Variants in PTGR2 observed in about 807,000 individuals in gnomAD.
PTGR2 encodes the protein 15-oxoprostaglandin 13-reductase.
Under a neutral mutation model 43.4 loss-of-function variants are expected in PTGR2, and 32 were observed. The observed-to-expected ratio is 0.74, with a 90% CI of 0.56 to 0.99. The LOEUF (loss-of-function observed/expected upper bound fraction) is 0.99, where lower values mean the gene tolerates loss of function less well. Ranked by LOEUF, PTGR2 falls within the 50% of genes least tolerant of loss-of-function variation. The pLI is 0.00. For synonymous variants in PTGR2, 106 were observed against 139.2 expected, an observed-to-expected ratio of 0.76 and a Z score of 1.68; for missense variants, 373 against 420.0, an observed-to-expected ratio of 0.89 and a Z score of 0.98.
rs58234739 is a variant in PTGR2 at position 73,883,188 on chromosome 14, C to CTTTTTTTTTTTTTTT, written c.979+768_979+782dup. Among the ~76,000 whole-genome samples the CTTTTTTTTTTTTTTT allele has an allele frequency of 2.9e-4, 17 of 58,152 alleles. 1 individual carries two copies. The highest frequency in any genetic ancestry group is 2.3e-3 in the South Asian group (2 of 872). The allele number at this position is 58,152 out of a possible 152,430, so 38.1% of individuals were successfully genotyped here. ...CCTGCCCTTCCCTCCCCTCACCTCCCTTTTTTTTTTTTTTTTTTTTTTTTT... is the reference window on the plus strand; with the variant it reads ...CCTGCCCTTCCCTCCCCTCACCTCCCTTTTTTTTTTTTTTTTTTTTTTTTTTTTTTTTTTTTTTTT... On this transcript the variant is annotated intron_variant, in intron 9 of 9. Coordinates refer to ENST00000555661, the MANE Select transcript of PTGR2 (RefSeq NM_001146154.2).
chr14:73,865,195 C>T (rs1361524872), intron 3 of PTGR2, among the ~76,000 whole-genome samples: 1 of 152,114 alleles, frequency 6.6e-6, no homozygotes, highest in Non-Finnish European at 1.5e-5. Context: ...TGGCTCAATC[C>T]AAGCTGGAAG....
intron 9 of PTGR2, among the ~76,000 whole-genome samples, chr14:73,883,582 T>C (rs1188442597): frequency 6.6e-6 from 1 of 151,650 alleles, no homozygotes; most frequent in East Asian, 1.9e-4. Flanking sequence ...ACCTCCCAGG[T>C]TCAGGTGATG....
intron 6 of PTGR2, chr14:73,879,610 C>A: frequency 3.0e-6 from 1 of 337,260 alleles, no homozygotes; most frequent in Non-Finnish European, 5.5e-6. Context: ...ATCCCTAACT[C>A]ACCACTGACC....
chr14:73,856,731 T>C (rs1261599326), intron 1 of PTGR2, among the ~76,000 whole-genome samples: 1 of 152,214 alleles, frequency 6.6e-6, no homozygotes, highest in African/African-American at 2.4e-5. Context: ...CTGTACCATG[T>C]AGGTTTGTGT....
intron 3 of PTGR2, among the ~76,000 whole-genome samples, chr14:73,864,880 C>G (rs539189289): frequency 6.6e-6 from 1 of 152,178 alleles, no homozygotes; most frequent in Non-Finnish European, 1.5e-5. Flanking sequence ...CTTTGCCTCA[C>G]TTAAGGTCAT....
At chr14:73,857,664 G>GTTT (rs1213963564) in intron 1 of PTGR2, among the ~76,000 whole-genome samples, 2,177 of 64,604 alleles carry the variant, frequency 0.034, 401 homozygotes, top group African/African-American at 0.11. Context: ...AGCAGTTAGT[G>GTTT]TTTTTTTTTT....
chr14:73,871,359 T>C (rs1238406304), intron 3 of PTGR2, among the ~76,000 whole-genome samples: 2 of 149,630 alleles, frequency 1.3e-5, no homozygotes, highest in African/African-American at 5.0e-5. Context: ...TTTTTTTTTT[T>C]TTTTTTTTAA....
chr14:73,885,338 G>A lies in PTGR2; in HGVS notation c.*1161G>A, dbSNP rs971724509. The A allele has an allele frequency of 1.3e-5, 2 of 152,146 alleles. No individual in the cohort carries two copies. The highest frequency in any genetic ancestry group is 4.8e-5 in the African/African-American group (2 of 41,434). 9.4% of individuals were successfully genotyped at this position (152,146 alleles called of 1,614,324 possible). On this transcript the variant is annotated 3_prime_UTR_variant, in exon 10 of 10. Coordinates refer to ENST00000555661, the MANE Select transcript of PTGR2 (RefSeq NM_001146154.2). ...CAAAGACAGTTTCAGAAAATGACAG[G>A]ACTGGGCAAATTAACAAATGTTTGT...
rs1213963564 is a variant in PTGR2 at position 73,857,664 on chromosome 14, GTTTTTTT to G, written c.-47-1136_-47-1130del. 9.0e-4 allele frequency among the ~76,000 whole-genome samples: 58 copies of G among 64,718 alleles called. 2 individuals are homozygous for G. Among genetic ancestry groups the G allele is most frequent in the Admixed American group, 6.9e-3 (28 of 4,054 alleles). The allele number at this position is 64,718 out of a possible 152,430, so 42.5% of individuals were successfully genotyped here. On this transcript the variant is annotated intron_variant, in intron 1 of 9. Transcript: ENST00000555661. The stretch of plus-strand genomic sequence containing the variant: ...ATTACATGTCAATTAAGCAGTTAGT[GTTTTTTT>G]TTTTTTTTTTTTTTTGAGACAGAAT...
chr14:73,868,928 G>A (rs1394835767), intron 3 of PTGR2, among the ~76,000 whole-genome samples: 1 of 152,036 alleles, frequency 6.6e-6, no homozygotes, highest in Non-Finnish European at 1.5e-5. Context: ...TTCTTTCAAG[G>A]CAGTTGTCTT....
intron 3 of PTGR2, among the ~76,000 whole-genome samples, chr14:73,871,339 ATCTTT>A (rs1415561135): frequency 1.6e-4 from 5 of 31,318 alleles, no homozygotes; most frequent in African/African-American, 1.1e-4. Context: ...TTGGCTGTTC[ATCTTT>A]TTTTTTTTTT....
rs116357503 is a variant in PTGR2, at chr14:73,860,790, A to G, written c.156+133A>G. On this transcript the variant is annotated intron_variant, in intron 3 of 9. Coordinates refer to ENST00000555661, the MANE Select transcript of PTGR2 (RefSeq NM_001146154.2). ...AGCAGTTATATATTGATACCTTTTA[A>G]TTATAGATTGCCTTTGTTTTTATTC... 3.1e-3 allele frequency: 1,680 copies of G among 543,432 alleles called. 35 individuals carry two copies. The African/African-American group carries it at 0.031, about 10-fold the overall frequency. The allele number at this position is 543,432 out of a possible 1,614,324, so 33.7% of individuals were successfully genotyped here. A position where few individuals can be genotyped will look rare whatever the true frequency, so the allele number is the denominator to read the frequency against.
intron 1 of PTGR2, among the ~76,000 whole-genome samples, chr14:73,853,008 G>C (rs917839006): frequency 1.3e-5 from 2 of 151,894 alleles, no homozygotes; most frequent in African/African-American, 4.8e-5. Context: ...TTTTAGTAGA[G>C]CGGGGTTTTC....
intron 6 of PTGR2, chr14:73,879,790 A>G (rs892697767): frequency 2.5e-6 from 1 of 396,080 alleles, no homozygotes; most frequent in Non-Finnish European, 4.6e-6. Flanking sequence ...ATCCAAAAAA[A>G]TACAGTTCTA....
Position 73,884,119 on chromosome 14 carries a change from T to A in PTGR2, c.998T>A (p.Met333Lys). ...ENMGAAFQSM[M>K]TGGNIGKQIV... ...TTTCCAGCTGCATTCCAGTCCATGATGACAGGAGGTAACATTGGAAAGCAG... is the reference window on the plus strand; with the variant it reads ...TTTCCAGCTGCATTCCAGTCCATGAAGACAGGAGGTAACATTGGAAAGCAG... The change falls in exon 10 of 10, where the codon ATG (methionine) becomes AAG (lysine). Residue 333 changes from methionine to lysine, a missense_variant. Met to Lys is a moderately conservative substitution (Grantham distance 95, BLOSUM62 -1). Coordinates refer to ENST00000555661, the MANE Select transcript of PTGR2 (RefSeq NM_001146154.2). 1 of 1,607,182 alleles carries A rather than the reference T, an allele frequency of 6.2e-7. No homozygotes were observed. The highest frequency in any genetic ancestry group is 8.5e-7 in the Non-Finnish European group (1 of 1,176,190).
chr14:73,878,866 A>T, intron 5 of PTGR2: 1 of 497,268 alleles, frequency 2.0e-6, no homozygotes, highest in South Asian at 2.4e-5. Context: ...TCCCTATCAT[A>T]AGTTGAGGAA....
intron 8 of PTGR2, among the ~76,000 whole-genome samples, chr14:73,881,859 C>T (rs1434346240): frequency 7.2e-6 from 1 of 138,882 alleles, no homozygotes; most frequent in East Asian, 2.2e-4. Flanking sequence ...TCTCGGCTCA[C>T]TGCAACCTCC....
chr14:73,862,460 G>T (rs1301771405), intron 3 of PTGR2, among the ~76,000 whole-genome samples: 5 of 152,082 alleles, frequency 3.3e-5, no homozygotes, highest in African/African-American at 1.2e-4. Context: ...ACCCGCCTCG[G>T]CCTCCCAAAG....
At chr14:73,854,543 A>G (rs2140226910) in intron 1 of PTGR2, among the ~76,000 whole-genome samples, 1 of 152,336 alleles carries the variant, frequency 6.6e-6, no homozygotes, top group South Asian at 2.1e-4. Context: ...TATATTTTTC[A>G]TGCTGATAAG....
Sources: gnomAD v4.1 joint callset for allele counts (sites outside exome capture counted in the v4.1 genomes callset) on GRCh38, gnomAD v4.1.1 for gene constraint, MANE v1.5 for transcripts, NCBI Gene and HGNC (gene_info 2026-07-23, HGNC 2026-07-21) for gene names.